Variants in RASSF3 observed in about 807,000 individuals in gnomAD.
The protein encoded by RASSF3 is ras association domain-containing protein 3.
RASSF3 carries 19 observed loss-of-function variants against 19.9 expected under a neutral mutation model. The observed-to-expected ratio is 0.96, with a 90% CI of 0.67 to 1.40. The LOEUF (loss-of-function observed/expected upper bound fraction) is 1.40, where lower values mean the gene tolerates loss of function less well. Ranked by LOEUF, RASSF3 falls within the 40% of genes most tolerant of loss-of-function variation. The probability of loss-of-function intolerance (pLI) is 0.00; values close to 1 mark genes in which losing one functional copy is unlikely to be tolerated. For missense variants in RASSF3, 306 were observed against 289.8 expected (o/e 1.06, Z -0.41); for synonymous variants, 110 against 104.2 (o/e 1.06, Z -0.34).
rs547586480 is a variant in RASSF3, at chr12:64,557,600, T to C, written c.294+15895T>C. ...GGGAAGCACGGAGTCTCCCAGTGGG[T>C]CACTGGGAGTGATGGTAGGTAAGGC... On this transcript the variant is annotated intron_variant, in intron 2 of 5. Coordinates refer to the RASSF3 transcript ENST00000637125. Among the ~76,000 whole-genome samples the C allele has an allele frequency of 2.5e-3, 377 of 152,184 alleles. 2 individuals carry two copies. The highest frequency in any genetic ancestry group is 4.4e-3 in the Non-Finnish European group (297 of 67,990).
At chr12:64,521,417 T>C (rs1317533) in intron 1 of RASSF3, among the ~76,000 whole-genome samples, 64,387 of 152,044 alleles carry the variant, frequency 0.42, 13,980 homozygotes, top group Middle Eastern at 0.54. Context: ...GACCACATCC[T>C]TTCATGAGTA....
chr12:64,599,693 G>C (rs2136144738), intron 2 of RASSF3, among the ~76,000 whole-genome samples: 1 of 152,246 alleles, frequency 6.6e-6, no homozygotes, highest in South Asian at 2.1e-4. Context: ...TCCAGGGGAA[G>C]ATGAGAAGTG....
At chr12:64,611,985 G>A (rs572982294) in intron 1 of RASSF3, among the ~76,000 whole-genome samples, 52 of 152,244 alleles carry the variant, frequency 3.4e-4, no homozygotes, top group African/African-American at 1.2e-3. Flanking sequence ...CTCAAGTCCC[G>A]GTGCCATAGT....
chr12:64,567,248 C>T (rs1218090265), intron 2 of RASSF3, among the ~76,000 whole-genome samples: 1 of 152,020 alleles, frequency 6.6e-6, no homozygotes, highest in Non-Finnish European at 1.5e-5. Flanking sequence ...CCTGGCCCTG[C>T]CTTTATCAGT....
At chr12:64,522,831 AAATGTAGAACT>A (rs1399708463) in intron 1 of RASSF3, among the ~76,000 whole-genome samples, 10 of 152,184 alleles carry the variant, frequency 6.6e-5, no homozygotes, top group Non-Finnish European at 1.2e-4. Flanking sequence ...GCAACAAAAC[AAATGTAGAACT>A]AATAGGCTCC....
intron 1 of RASSF3, among the ~76,000 whole-genome samples, chr12:64,667,811 A>G (rs1228217717): frequency 3.3e-5 from 5 of 152,224 alleles, no homozygotes; most frequent in African/African-American, 9.6e-5. Flanking sequence ...GCTGTGCAGC[A>G]GAATGTTGCC....
chr12:64,560,931 C>T (rs1869336224), intron 2 of RASSF3, among the ~76,000 whole-genome samples: 1 of 152,160 alleles, frequency 6.6e-6, no homozygotes, highest in South Asian at 2.1e-4. Context: ...GTTGATGGGG[C>T]ATCCTTGAGC....
upstream of RASSF3, among the ~76,000 whole-genome samples, chr12:64,528,948 C>T (rs1868647521): frequency 6.6e-6 from 1 of 152,226 alleles, no homozygotes; most frequent in African/African-American, 2.4e-5. Context: ...GGTTACTCAG[C>T]CTTTCGGAAC....
intron 1 of RASSF3, among the ~76,000 whole-genome samples, chr12:64,628,138 A>G (rs1052607403): frequency 1.3e-5 from 2 of 152,254 alleles, no homozygotes; most frequent in East Asian, 1.9e-4. Context: ...ATCAAAGGGA[A>G]CCTGGGTGAT....
At chr12:64,600,166 A>T (rs1870068547) in intron 2 of RASSF3, among the ~76,000 whole-genome samples, 2 of 152,232 alleles carry the variant, frequency 1.3e-5, no homozygotes, top group African/African-American at 4.8e-5. Context: ...TAAAAAAACA[A>T]ACAAACAACT....
intron 1 of RASSF3, among the ~76,000 whole-genome samples, chr12:64,672,035 A>T (rs999204254): frequency 2.0e-5 from 3 of 152,166 alleles, no homozygotes; most frequent in Admixed American, 2.0e-4. Flanking sequence ...AGACTTTTAC[A>T]TTTGTCTATT....
chr12:64,627,688 G>C (rs915764187), intron 1 of RASSF3, among the ~76,000 whole-genome samples: 1 of 152,164 alleles, frequency 6.6e-6, no homozygotes, highest in Non-Finnish European at 1.5e-5. Context: ...GTTTCAGAGG[G>C]AGTAATAATA....
At chr12:64,682,580 A>C (rs567340384) in intron 1 of RASSF3, among the ~76,000 whole-genome samples, 59 of 151,982 alleles carry the variant, frequency 3.9e-4, no homozygotes, top group African/African-American at 1.4e-3. Context: ...AAAAAAAAAA[A>C]AAGAAAAGTC....
chr12:64,579,616 G>T (rs181809551), intron 2 of RASSF3, among the ~76,000 whole-genome samples: 566 of 152,182 alleles, frequency 3.7e-3, no homozygotes, highest in African/African-American at 0.012. Flanking sequence ...CTTCCAAAGT[G>T]CTGGGATTAC....
intron 1 of RASSF3, among the ~76,000 whole-genome samples, chr12:64,619,043 AT>A (rs749430710): frequency 4.5e-4 from 68 of 152,234 alleles, no homozygotes; most frequent in Non-Finnish European, 8.8e-4. Flanking sequence ...ATTTTTTAGC[AT>A]GGCTATGGAA....
chr12:64,579,391 G>A (rs549607915), intron 2 of RASSF3, among the ~76,000 whole-genome samples: 7 of 128,022 alleles, frequency 5.5e-5, no homozygotes, highest in South Asian at 2.4e-4. Flanking sequence ...TCTGTCTGTC[G>A]CCCAGGCTGG....
intron 2 of RASSF3, among the ~76,000 whole-genome samples, chr12:64,578,610 A>G (rs895806952): frequency 3.3e-5 from 5 of 152,198 alleles, no homozygotes; most frequent in Admixed American, 6.6e-5. Flanking sequence ...CCCAGGCAAC[A>G]TAGTGAGATC....
At chr12:64,556,652 A>G (rs904631380) in intron 2 of RASSF3, among the ~76,000 whole-genome samples, 1 of 152,070 alleles carries the variant, frequency 6.6e-6, no homozygotes, top group Non-Finnish European at 1.5e-5. Flanking sequence ...TCGCCACAGC[A>G]GAAGAGCTGA....
At chr12:64,686,700 G>T (rs7304648) in intron 2 of RASSF3, among the ~76,000 whole-genome samples, 1 of 151,970 alleles carries the variant, frequency 6.6e-6, no homozygotes, top group African/African-American at 2.4e-5. Context: ...GGTGGCGGGT[G>T]CCTGCAGTCC....
Sources: allele counts gnomAD v4.1 joint callset (sites outside exome capture counted in the v4.1 genomes callset), GRCh38; gene constraint gnomAD v4.1.1; transcripts MANE v1.5; gene names NCBI Gene and HGNC (gene_info 2026-07-23, HGNC 2026-07-21).